The following TNS3 variants were observed in gnomAD, a reference collection of about 807,000 sequenced individuals.
TNS3 encodes the protein tensin 3.
A neutral mutation model predicts 140.9 loss-of-function variants in TNS3; 45 were observed. The ratio of observed to expected loss-of-function variants is 0.32; its 90% CI spans 0.25 to 0.41. TNS3 has a LOEUF of 0.41. Among genes scored for constraint, TNS3 ranks in the 10% least tolerant of loss-of-function variants. The probability of loss-of-function intolerance (pLI) is 1.00; values close to 1 mark genes in which losing one functional copy is unlikely to be tolerated. For synonymous variants in TNS3, 815 were observed against 788.4 expected, an observed-to-expected ratio of 1.03 and a Z score of -0.56; for missense variants, 1,716 against 1,906.7, an observed-to-expected ratio of 0.90 and a Z score of 1.86.
At chr7:47,577,680 C>T (rs953093825) in intron 1 of TNS3, among the ~76,000 whole-genome samples, 10 of 152,206 alleles carry the variant, frequency 6.6e-5, no homozygotes, top group South Asian at 2.1e-4. Context: ...CATACATGCA[C>T]GGTTCAGCAA....
chr7:47,438,362 G>A (rs982168557), intron 6 of TNS3, among the ~76,000 whole-genome samples: 1 of 152,200 alleles, frequency 6.6e-6, no homozygotes, highest in African/African-American at 2.4e-5. Flanking sequence ...AAGGGGGACT[G>A]GGGAAGAGGG....
intron 4 of TNS3, among the ~76,000 whole-genome samples, chr7:47,443,661 C>T (rs1024139198): frequency 3.3e-5 from 5 of 152,172 alleles, no homozygotes; most frequent in Non-Finnish European, 7.4e-5. Flanking sequence ...GTGGCTCACA[C>T]CTGTAATCCC....
chr7:47,297,777 G>A (rs895159098), intron 23 of TNS3, among the ~76,000 whole-genome samples: 8 of 151,396 alleles, frequency 5.3e-5, no homozygotes, highest in Admixed American at 5.3e-4. Flanking sequence ...CAGCATAAAA[G>A]GAAAGAAGTT....
At chr7:47,318,130 T>C (rs1173921452) in intron 20 of TNS3, among the ~76,000 whole-genome samples, 1 of 152,200 alleles carries the variant, frequency 6.6e-6, no homozygotes, top group African/African-American at 2.4e-5. Context: ...CCACTTTCTG[T>C]ATGTATGAAT....
intron 27 of TNS3, among the ~76,000 whole-genome samples, chr7:47,284,503 C>T (rs1212004434): frequency 6.6e-6 from 1 of 152,180 alleles, no homozygotes; most frequent in Non-Finnish European, 1.5e-5. Context: ...CAACTGGGCT[C>T]CATAACAACC....
chr7:47,375,637 A>G (rs1010703955), intron 16 of TNS3, among the ~76,000 whole-genome samples: 1 of 152,180 alleles, frequency 6.6e-6, no homozygotes, highest in Non-Finnish European at 1.5e-5. Context: ...TTCAAAAGTC[A>G]CCCAAAAAAT....
intron 17 of TNS3, among the ~76,000 whole-genome samples, chr7:47,353,835 C>T (rs1789821903): frequency 6.6e-6 from 1 of 152,134 alleles, no homozygotes; most frequent in African/African-American, 2.4e-5. Context: ...CCTTGAGCTT[C>T]TGGTAAAACT....
At chr7:47,533,892 C>A (rs1302077477) in intron 1 of TNS3, among the ~76,000 whole-genome samples, 1 of 152,152 alleles carries the variant, frequency 6.6e-6, no homozygotes, top group Non-Finnish European at 1.5e-5. Context: ...AACTGTGAGT[C>A]CATTAAATCC....
At chr7:47,559,108 T>C (rs1800270561) in intron 1 of TNS3, among the ~76,000 whole-genome samples, 1 of 152,202 alleles carries the variant, frequency 6.6e-6, no homozygotes, top group Non-Finnish European at 1.5e-5. Context: ...TCCCATCACT[T>C]TGGGAGGCCA....
intron 4 of TNS3, among the ~76,000 whole-genome samples, chr7:47,469,973 CAAAAAAAAAAAA>C (rs144012426): frequency 7.7e-5 from 5 of 64,880 alleles, no homozygotes; most frequent in South Asian, 1.5e-3. Flanking sequence ...AACTCTGTCT[CAAAAAAAAAAAA>C]AAAAAAAAAA....
chr7:47,564,889 G>C (rs1183998167), intron 1 of TNS3, among the ~76,000 whole-genome samples: 3 of 151,564 alleles, frequency 2.0e-5, no homozygotes, highest in Non-Finnish European at 2.9e-5. Flanking sequence ...CCTTCTCACA[G>C]CTTGGTCCAC....
intron 17 of TNS3, among the ~76,000 whole-genome samples, chr7:47,348,512 A>G (rs1157721652): frequency 6.6e-6 from 1 of 152,258 alleles, no homozygotes; most frequent in Non-Finnish European, 1.5e-5. Context: ...GTGTTTTATC[A>G]AAAATGACAT....
chr7:47,341,448 T>C (rs1039982064), intron 20 of TNS3, among the ~76,000 whole-genome samples: 1 of 152,170 alleles, frequency 6.6e-6, no homozygotes, highest in African/African-American at 2.4e-5. Context: ...TCCTATTGGG[T>C]GAGTTGTGAC....
At chr7:47,581,205 C>T (rs1296217002) in intron 1 of TNS3, among the ~76,000 whole-genome samples, 5 of 152,056 alleles carry the variant, frequency 3.3e-5, no homozygotes, top group Non-Finnish European at 5.9e-5. Context: ...TGCACAGCAC[C>T]GACACAGAGA....
chr7:47,520,068 G>A (rs955510251), intron 2 of TNS3, among the ~76,000 whole-genome samples: 3 of 151,390 alleles, frequency 2.0e-5, no homozygotes, highest in East Asian at 1.9e-4. Flanking sequence ...CTCGTGATCC[G>A]CCTGCCTCAG....
intron 10 of TNS3, among the ~76,000 whole-genome samples, chr7:47,418,893 C>T (rs965669759): frequency 3.3e-5 from 5 of 152,220 alleles, no homozygotes; most frequent in Non-Finnish European, 7.3e-5. Context: ...GTTACTTTTT[C>T]CAAGCAACAG....
intron 17 of TNS3, among the ~76,000 whole-genome samples, chr7:47,363,883 T>G (rs1790537873): frequency 6.6e-6 from 1 of 152,176 alleles, no homozygotes; most frequent in Non-Finnish European, 1.5e-5. Flanking sequence ...GAATCCTTCC[T>G]ATTCACACAT....
intron 26 of TNS3, 24 bp from the exon 27 acceptor site, chr7:47,292,056 C>A (rs1785737271): frequency 6.2e-7 from 1 of 1,611,152 alleles, no homozygotes; most frequent in African/African-American, 1.3e-5. Flanking sequence ...CAAGAAAATA[C>A]AGAAATGAGT....
chr7:47,310,260 G>C (rs1787010157), intron 20 of TNS3, among the ~76,000 whole-genome samples: 1 of 152,192 alleles, frequency 6.6e-6, no homozygotes, highest in Admixed American at 6.5e-5. Flanking sequence ...AAAGCCAGCT[G>C]CTACGAATCT....
Sources: gnomAD v4.1 joint callset for allele counts (sites outside exome capture counted in the v4.1 genomes callset) on GRCh38, gnomAD v4.1.1 for gene constraint, MANE v1.5 for transcripts, NCBI Gene and HGNC (gene_info 2026-07-23, HGNC 2026-07-21) for gene names.